Variants in GTF2F2 observed in about 807,000 individuals in gnomAD.
GTF2F2 encodes the protein ATP-dependent helicase GTF2F2.
GTF2F2 carries 23 observed loss-of-function variants against 42.2 expected under a neutral mutation model. The ratio of observed to expected loss-of-function variants is 0.55; its 90% CI spans 0.39 to 0.77. The LOEUF (loss-of-function observed/expected upper bound fraction) is 0.77, where lower values mean the gene tolerates loss of function less well. GTF2F2 is among the 30% of genes least tolerant of loss of function. The pLI, the probability that GTF2F2 is intolerant of heterozygous loss-of-function variation, is 0.00. For synonymous variants in GTF2F2, 105 were observed against 100.8 expected (o/e 1.04, Z -0.25); for missense variants, 261 against 287.2 (o/e 0.91, Z 0.66).
chr13:45,186,581 G>A (rs975936634), intron 4 of GTF2F2, among the ~76,000 whole-genome samples: 1 of 152,032 alleles, frequency 6.6e-6, no homozygotes, highest in Non-Finnish European at 1.5e-5. Context: ...GTGAGCCACC[G>A]CACCCAGCCG....
intron 4 of GTF2F2, among the ~76,000 whole-genome samples, chr13:45,169,306 G>A (rs999795975): frequency 2.0e-5 from 3 of 152,152 alleles, no homozygotes; most frequent in African/African-American, 7.2e-5. Flanking sequence ...TGGACACTCA[G>A]GAGAGACTGG....
chr13:45,161,571 GT>G (rs1484724682), intron 4 of GTF2F2, among the ~76,000 whole-genome samples: 11 of 152,186 alleles, frequency 7.2e-5, no homozygotes, highest in Non-Finnish European at 1.6e-4. Flanking sequence ...GCCGGGCACC[GT>G]GGCTCAGGCC....
chr13:45,145,517 A>T (rs536469554), intron 2 of GTF2F2, among the ~76,000 whole-genome samples: 1 of 152,220 alleles, frequency 6.6e-6, no homozygotes, highest in East Asian at 1.9e-4. Flanking sequence ...ACACACACAC[A>T]TACCTCCCCC....
chr13:45,220,973 G>GTGTGTATATA (rs1874087801), intron 5 of GTF2F2: 1 of 151,942 alleles, frequency 6.6e-6, no homozygotes, highest in Non-Finnish European at 1.5e-5. Context: ...GTGTGTCTGT[G>GTGTGTATATA]TGTGTATATA....
chr13:45,240,014 C>T (rs1200309767), intron 5 of GTF2F2, among the ~76,000 whole-genome samples: 1 of 150,298 alleles, frequency 6.7e-6, no homozygotes, highest in Non-Finnish European at 1.5e-5. Context: ...TTAAGTCTTT[C>T]ACTAAGAGGG....
At chr13:45,188,344 C>G (rs1480168501) in intron 4 of GTF2F2, among the ~76,000 whole-genome samples, 2 of 152,164 alleles carry the variant, frequency 1.3e-5, no homozygotes, top group Admixed American at 1.3e-4. Context: ...ACCATGCTTG[C>G]CTATAGCAAT....
intron 1 of GTF2F2, among the ~76,000 whole-genome samples, 158 bp from the exon 2 acceptor site, chr13:45,136,575 C>T (rs561017789): frequency 8.9e-4 from 135 of 152,242 alleles, no homozygotes; most frequent in African/African-American, 3.0e-3. Flanking sequence ...TCATTTTTTA[C>T]GTGTCTTAGT....
intron 4 of GTF2F2, among the ~76,000 whole-genome samples, chr13:45,176,190 A>G (rs981843666): frequency 6.6e-6 from 1 of 152,356 alleles, no homozygotes; most frequent in South Asian, 2.1e-4. Context: ...CTTTGGTCAC[A>G]GGATACATAT....
At chr13:45,190,853 C>T (rs548962808) in intron 4 of GTF2F2, among the ~76,000 whole-genome samples, 6 of 150,432 alleles carry the variant, frequency 4.0e-5, no homozygotes, top group Middle Eastern at 3.4e-3. Flanking sequence ...TCAGTTAAAG[C>T]GATCCTCTCG....
At position 45,224,909 on chromosome 13, in the gene GTF2F2, C is replaced by A. The variant is rs77362559; in HGVS notation, c.386+17404C>A. 4.0e-3 allele frequency among the ~76,000 whole-genome samples: 615 copies of A among 152,304 alleles called. 8 individuals are homozygous for A. The highest frequency in any genetic ancestry group is 0.014 in the African/African-American group (592 of 41,554). On this transcript the variant is annotated intron_variant, in intron 5 of 7. Transcript: ENST00000340473. The stretch of plus-strand genomic sequence containing the variant: ...AGCCTCCAACATATTTTGTGGGATA[C>A]CATCTTTGTCAGGCATTGTGCTAGG...
intron 6 of GTF2F2, among the ~76,000 whole-genome samples, chr13:45,260,790 C>T (rs547285242): frequency 8.9e-4 from 135 of 152,092 alleles, no homozygotes; most frequent in African/African-American, 3.0e-3. Context: ...GAGGCTGAGG[C>T]GGGTGGATCA....
intron 4 of GTF2F2, among the ~76,000 whole-genome samples, chr13:45,189,693 C>T (rs1872553068): frequency 6.8e-6 from 1 of 146,826 alleles, no homozygotes; most frequent in Admixed American, 6.7e-5. Flanking sequence ...ATTTGCAATA[C>T]CATTCAGGAC....
intron 6 of GTF2F2, among the ~76,000 whole-genome samples, chr13:45,266,931 T>C (rs1876585887): frequency 6.6e-6 from 1 of 152,228 alleles, no homozygotes; most frequent in Non-Finnish European, 1.5e-5. Flanking sequence ...GTGGATCACC[T>C]GAGGTCAGGA....
chr13:45,209,407 T>C (rs1044604426), intron 5 of GTF2F2, among the ~76,000 whole-genome samples: 1 of 152,202 alleles, frequency 6.6e-6, no homozygotes, highest in Non-Finnish European at 1.5e-5. Context: ...GGTATCCCCA[T>C]TGTTAAGCCA....
chr13:45,171,733 C>G (rs1291136145), intron 4 of GTF2F2, among the ~76,000 whole-genome samples: 1 of 152,220 alleles, frequency 6.6e-6, no homozygotes, highest in East Asian at 1.9e-4. Flanking sequence ...CAAAAGAAAC[C>G]CACACCTATT....
At chr13:45,254,326 G>A (rs1164615390) in intron 6 of GTF2F2, among the ~76,000 whole-genome samples, 1 of 152,176 alleles carries the variant, frequency 6.6e-6, no homozygotes, top group African/African-American at 2.4e-5. Flanking sequence ...GGCACCAAGT[G>A]GGGCAGGGAG....
intron 4 of GTF2F2, among the ~76,000 whole-genome samples, chr13:45,176,570 G>C (rs952141951): frequency 7.9e-5 from 12 of 151,942 alleles, no homozygotes; most frequent in Non-Finnish European, 1.2e-4. Context: ...TTATTCAGTG[G>C]CTTGCCTTTT....
chr13:45,245,902 T>C lies in GTF2F2; in HGVS notation c.387-6969T>C, dbSNP rs535078706. 8.2e-4 allele frequency among the ~76,000 whole-genome samples: 116 copies of C among 141,566 alleles called. 1 individual carries two copies. Among genetic ancestry groups the C allele is most frequent in the African/African-American group, 2.9e-3 (113 of 39,082 alleles). The allele number at this position is 141,566 out of a possible 152,430, so 92.9% of individuals were successfully genotyped here. On this transcript the variant is annotated intron_variant, in intron 5 of 7. Transcript: ENST00000340473. ...CTTGCAGTGAGCCCAGACTGCGCCA[T>C]TGCACTCCAGCCTGGGCGACTAGCG...
chr13:45,282,371 A>C (rs1176036627), intron 7 of GTF2F2, among the ~76,000 whole-genome samples: 1 of 152,208 alleles, frequency 6.6e-6, no homozygotes, highest in Non-Finnish European at 1.5e-5. Flanking sequence ...TTCCATGACC[A>C]TAGTAATCAT....
Sources: gnomAD v4.1 joint callset for allele counts (sites outside exome capture counted in the v4.1 genomes callset) on GRCh38, gnomAD v4.1.1 for gene constraint, MANE v1.5 for transcripts, NCBI Gene and HGNC (gene_info 2026-07-23, HGNC 2026-07-21) for gene names.